FSTL4: variants seen among roughly 807,000 people sequenced by gnomAD.
FSTL4 encodes the protein follistatin like 4, also known as follistatin-related protein 4.
In FSTL4, 28 loss-of-function variants were observed where a neutral mutation model predicts 78.2. That is an observed-to-expected ratio of 0.36 (90% CI 0.27 to 0.49). FSTL4 has a LOEUF of 0.49. FSTL4 is among the 20% of genes least tolerant of loss of function. FSTL4 has a pLI of 0.98. For synonymous variants in FSTL4, 422 were observed against 440.5 expected (o/e 0.96, Z 0.53); for missense variants, 922 against 1,084.9 (o/e 0.85, Z 2.11).
At chr5:133,241,765 C>T (rs1157298712) in intron 7 of FSTL4, among the ~76,000 whole-genome samples, 1 of 152,154 alleles carries the variant, frequency 6.6e-6, no homozygotes, top group African/African-American at 2.4e-5. Flanking sequence ...CTTTGGGAAA[C>T]CTGCAACCCT....
the FSTL4 span, among the ~76,000 whole-genome samples, chr5:133,685,218 T>C: frequency 6.6e-6 from 1 of 152,212 alleles, no homozygotes; most frequent in Non-Finnish European, 1.5e-5. Context: ...ATGGGGCCCA[T>C]CCACTCTTTT....
chr5:133,363,727 G>A (rs1755118992), intron 4 of FSTL4, among the ~76,000 whole-genome samples: 1 of 152,146 alleles, frequency 6.6e-6, no homozygotes, highest in African/African-American at 2.4e-5. Context: ...GAGCTGGCAG[G>A]CCGTGGACCA....
At chr5:133,567,134 T>A in intron 3 of FSTL4, 52 bp downstream of exon 3, 1 of 1,336,898 alleles carries the variant, frequency 7.5e-7, no homozygotes, top group African/African-American at 1.4e-5. Context: ...AGCAAACTAC[T>A]TCAAAAATGT....
the FSTL4 span, among the ~76,000 whole-genome samples, chr5:133,736,009 A>G: frequency 6.6e-6 from 1 of 152,188 alleles, no homozygotes; most frequent in African/African-American, 2.4e-5. Context: ...TGTTACCTAC[A>G]CTTGACCATC....
At chr5:133,565,464 C>T (rs139227932) in intron 3 of FSTL4, among the ~76,000 whole-genome samples, 151 of 152,300 alleles carry the variant, frequency 9.9e-4, no homozygotes, top group African/African-American at 3.4e-3. Flanking sequence ...AAACATTCAA[C>T]TTTGACAGAA....
intron 3 of FSTL4, among the ~76,000 whole-genome samples, chr5:133,404,715 G>A (rs1447066907): frequency 3.3e-5 from 5 of 152,264 alleles, no homozygotes; most frequent in South Asian, 2.1e-4. Flanking sequence ...AGGCAAGCCC[G>A]TCTGACCCCG....
intron 4 of FSTL4, among the ~76,000 whole-genome samples, chr5:133,384,360 G>A (rs1755650351): frequency 6.6e-6 from 1 of 152,234 alleles, no homozygotes; most frequent in South Asian, 2.1e-4. Context: ...CTGACGAAGG[G>A]CTGACACTTT....
chr5:133,562,295 G>A (rs545909065), intron 3 of FSTL4, among the ~76,000 whole-genome samples: 3 of 152,320 alleles, frequency 2.0e-5, no homozygotes, highest in East Asian at 3.9e-4. Flanking sequence ...GGAACTGAGA[G>A]ATCCAGAAAA....
chr5:133,591,563 G>C (rs402880), intron 2 of FSTL4, among the ~76,000 whole-genome samples: 17,932 of 151,998 alleles, frequency 0.12, 1,506 homozygotes, highest in African/African-American at 0.24. Flanking sequence ...CCCCTGGAGG[G>C]CCCCTCACCC....
chr5:133,441,889 G>A (rs1757165799), intron 3 of FSTL4, among the ~76,000 whole-genome samples: 1 of 152,240 alleles, frequency 6.6e-6, no homozygotes, highest in South Asian at 2.1e-4. Context: ...ACAAGTGGAT[G>A]TTCACTGGTG....
intron 3 of FSTL4, among the ~76,000 whole-genome samples, chr5:133,514,838 T>C (rs1758821355): frequency 6.6e-6 from 1 of 152,204 alleles, no homozygotes; most frequent in African/African-American, 2.4e-5. Flanking sequence ...TACTGGAAGA[T>C]AATGGACCAA....
rs1752831620 is a variant in FSTL4, at chr5:133,274,380, C to CTTTTTTTCTTTTTT, written c.728-24805_728-24804insAAAAAAGAAAAAAA. On this transcript the variant is annotated intron_variant, in intron 6 of 15. Transcript: ENST00000265342. Reference sequence around the variant, plus strand: ...ATTCTCAGAAAAAGGGCAATCTGTGCTTTTTTTTTTTTTTTTAGGAGAACA... The same window carrying CTTTTTTTCTTTTTT: ...ATTCTCAGAAAAAGGGCAATCTGTGCTTTTTTTCTTTTTTTTTTTTTTTTTTTTTTAGGAGAACA... Among the ~76,000 whole-genome samples, 3 of 71,030 alleles carry CTTTTTTTCTTTTTT rather than the reference C, an allele frequency of 4.2e-5. 1 individual carries two copies. The highest frequency in any genetic ancestry group is 7.2e-5 in the Non-Finnish European group (3 of 41,646). The allele number at this position is 71,030 out of a possible 152,430, so 46.6% of individuals were successfully genotyped here. A position where few individuals can be genotyped will look rare whatever the true frequency, so the allele number is the denominator to read the frequency against.
chr5:133,639,196 A>G, the FSTL4 span, among the ~76,000 whole-genome samples: 1 of 152,132 alleles, frequency 6.6e-6, no homozygotes, highest in Non-Finnish European at 1.5e-5. Context: ...TCGGCAAACA[A>G]CACAGGAACA....
At chr5:133,749,836 A>T in the FSTL4 span, among the ~76,000 whole-genome samples, 4 of 152,180 alleles carry the variant, frequency 2.6e-5, no homozygotes, top group Non-Finnish European at 5.9e-5. Flanking sequence ...AATCACCCTG[A>T]GCCTTAGAAA....
At chr5:133,675,195 G>A in the FSTL4 span, among the ~76,000 whole-genome samples, 1 of 152,214 alleles carries the variant, frequency 6.6e-6, no homozygotes, top group African/African-American at 2.4e-5. Context: ...TCATGTGACA[G>A]GAAAAGCACC....
chr5:133,738,406 C>G, the FSTL4 span, among the ~76,000 whole-genome samples: 1 of 151,388 alleles, frequency 6.6e-6, no homozygotes, highest in African/African-American at 2.4e-5. Flanking sequence ...TGAGCCTTTT[C>G]CCTCTCCTCC....
At chr5:133,654,012 C>G in the FSTL4 span, among the ~76,000 whole-genome samples, 1 of 152,168 alleles carries the variant, frequency 6.6e-6, no homozygotes, top group Non-Finnish European at 1.5e-5. Context: ...TATGAAGGGC[C>G]TTGTGCTGGG....
At chr5:133,234,022 A>G (rs929243205) in intron 7 of FSTL4, among the ~76,000 whole-genome samples, 1 of 152,020 alleles carries the variant, frequency 6.6e-6, no homozygotes, top group African/African-American at 2.4e-5. Flanking sequence ...CAAATACCCA[A>G]CTCCGCCACT....
At chr5:133,424,912 AG>A (rs1756778542) in intron 3 of FSTL4, among the ~76,000 whole-genome samples, 1 of 152,264 alleles carries the variant, frequency 6.6e-6, no homozygotes, top group South Asian at 2.1e-4. Flanking sequence ...CAGTGGGTGC[AG>A]AAAATGCTAG....
Sources: allele counts gnomAD v4.1 joint callset (sites outside exome capture counted in the v4.1 genomes callset), GRCh38; gene constraint gnomAD v4.1.1; transcripts MANE v1.5; gene names NCBI Gene and HGNC (gene_info 2026-07-23, HGNC 2026-07-21).